SAMMSON: variants seen among roughly 807,000 people sequenced by gnomAD.
The protein encoded by SAMMSON is long intergenic non-protein coding RNA 1212.
intron 6 of SAMMSON, among the ~76,000 whole-genome samples, chr3:70,268,268 C>A (rs555157341): frequency 6.6e-6 from 1 of 152,122 alleles, no homozygotes; most frequent in Non-Finnish European, 1.5e-5. Flanking sequence ...CGCAGAAGTT[C>A]GCGACCAGCC....
chr3:70,126,342 C>T lies in SAMMSON; in HGVS notation n.507+54777C>T. 3.4e-6 allele frequency: 4 copies of T among 1,186,822 alleles called. No homozygotes were observed. The Admixed American group carries it at 8.0e-5, about 24-fold the overall frequency. The allele number at this position is 1,186,822 out of a possible 1,614,324, so 73.5% of individuals were successfully genotyped here. On this transcript the variant is annotated intron_variant and non_coding_transcript_variant, in intron 4 of 9. Coordinates refer to ENST00000642114, the Ensembl canonical transcript of SAMMSON. ...TGCAAATTCAAAGACTAAAGTATGA[C>T]CTAAAAGTTTCAGCTGATGGAGTCT...
At chr3:70,111,472 T>C (rs942694326) in intron 4 of SAMMSON, among the ~76,000 whole-genome samples, 1 of 152,136 alleles carries the variant, frequency 6.6e-6, no homozygotes, top group Non-Finnish European at 1.5e-5. Flanking sequence ...CATAAAAAAC[T>C]GTAAAACAGA....
chr3:70,054,270 G>A lies in SAMMSON; in HGVS notation n.418-17206G>A, dbSNP rs988289986. ...ACATTTCAAAACTGACAAGTGAATGGGGAGGGAGGGAAGGCTTTATGTAGT... is the reference window on the plus strand; with the variant it reads ...ACATTTCAAAACTGACAAGTGAATGAGGAGGGAGGGAAGGCTTTATGTAGT... On this transcript the variant is annotated intron_variant and non_coding_transcript_variant, in intron 3 of 9. Coordinates refer to ENST00000642114, the Ensembl canonical transcript of SAMMSON. Among the ~76,000 whole-genome samples the A allele has an allele frequency of 5.3e-5, 8 of 152,178 alleles. No individual in the cohort carries two copies. The East Asian group carries it at 1.4e-3, about 26-fold the overall frequency.
At chr3:70,355,926 T>TA (rs1267099557) in intron 8 of SAMMSON, among the ~76,000 whole-genome samples, 6 of 151,864 alleles carry the variant, frequency 4.0e-5, no homozygotes, top group South Asian at 2.1e-4. Context: ...TCACATATTC[T>TA]AAAAAAAAGC....
rs1414809695 is a variant in SAMMSON, at chr3:70,293,808, C to T, written n.739+2565C>T. Among the ~76,000 whole-genome samples, 4 of 151,680 alleles carry T rather than the reference C, an allele frequency of 2.6e-5. No homozygotes were observed. The East Asian group carries it at 7.7e-4, about 29-fold the overall frequency. ...CTTACTGAAAGGAAAGAAAAAAGAC[C>T]TTAGGAACCTGGTTATATTTATTAA... On this transcript the variant is annotated intron_variant and non_coding_transcript_variant, in intron 7 of 9. Transcript: ENST00000642114.
intron 7 of SAMMSON, among the ~76,000 whole-genome samples, chr3:70,351,963 G>A (rs1702797880): frequency 6.6e-6 from 1 of 151,940 alleles, no homozygotes; most frequent in African/African-American, 2.4e-5. Context: ...AAAAAAAAGA[G>A]ACTTTTAAAA....
chr3:70,352,276 A>C (rs1702799894), intron 7 of SAMMSON, among the ~76,000 whole-genome samples: 1 of 152,064 alleles, frequency 6.6e-6, no homozygotes, highest in Non-Finnish European at 1.5e-5. Context: ...GAGAAATGAC[A>C]CCTTACTTTA....
intron 4 of SAMMSON, among the ~76,000 whole-genome samples, chr3:70,242,132 G>A (rs1364247656): frequency 6.6e-6 from 1 of 152,202 alleles, no homozygotes; most frequent in African/African-American, 2.4e-5. Context: ...GGATGAAAAG[G>A]AGTCTTGGAG....
intron 1 of SAMMSON, among the ~76,000 whole-genome samples, chr3:70,006,607 A>C (rs2066927513): frequency 6.6e-6 from 1 of 152,172 alleles, no homozygotes; most frequent in African/African-American, 2.4e-5. Context: ...TATCAGGAGC[A>C]ATGCTCCTTG....
chr3:70,382,243 A>G (rs2106752422), intron 9 of SAMMSON, among the ~76,000 whole-genome samples: 1 of 152,262 alleles, frequency 6.6e-6, no homozygotes, highest in Middle Eastern at 3.4e-3. Flanking sequence ...TTTGATTTGA[A>G]TACATATATT....
At chr3:70,104,741 C>G (rs1405212400) in intron 4 of SAMMSON, among the ~76,000 whole-genome samples, 1 of 152,084 alleles carries the variant, frequency 6.6e-6, no homozygotes, top group Non-Finnish European at 1.5e-5. Flanking sequence ...TCCATATAAA[C>G]TGGGTGTCAA....
At chr3:70,371,098 A>G (rs1702964355) in intron 9 of SAMMSON, among the ~76,000 whole-genome samples, 1 of 152,044 alleles carries the variant, frequency 6.6e-6, no homozygotes, top group Admixed American at 6.6e-5. Flanking sequence ...AGTCCTTGTC[A>G]GCTTTTTTGA....
At chr3:70,322,521 A>G (rs1702545201) in intron 7 of SAMMSON, among the ~76,000 whole-genome samples, 1 of 152,152 alleles carries the variant, frequency 6.6e-6, no homozygotes, top group South Asian at 2.1e-4. Context: ...CGCGAAAAGT[A>G]CATTTTTTTG....
At chr3:70,092,621 C>T (rs2067308848) in intron 4 of SAMMSON, among the ~76,000 whole-genome samples, 1 of 152,054 alleles carries the variant, frequency 6.6e-6, no homozygotes. Context: ...TCTTTGTTCC[C>T]AAGCTGGGGC....
intron 6 of SAMMSON, among the ~76,000 whole-genome samples, chr3:70,282,136 C>A (rs529664960): frequency 6.6e-6 from 1 of 152,144 alleles, no homozygotes; most frequent in East Asian, 1.9e-4. Flanking sequence ...GGTCAGGGAA[C>A]CAAAATCTGT....
chr3:70,115,275 C>G (rs1329772066), intron 4 of SAMMSON, among the ~76,000 whole-genome samples: 2 of 150,320 alleles, frequency 1.3e-5, no homozygotes, highest in Admixed American at 6.6e-5. Flanking sequence ...TTAAAGCTTT[C>G]TAGTAATTGG....
intron 2 of SAMMSON, among the ~76,000 whole-genome samples, chr3:70,400,640 G>C (rs1351139356): frequency 3.9e-5 from 6 of 152,176 alleles, no homozygotes; most frequent in Non-Finnish European, 7.3e-5. Context: ...AAGAATTAGA[G>C]GTGGTTGTTG....
At chr3:70,306,257 C>A (rs1702399144) in intron 7 of SAMMSON, among the ~76,000 whole-genome samples, 1 of 152,122 alleles carries the variant, frequency 6.6e-6, no homozygotes, top group Non-Finnish European at 1.5e-5. Context: ...GCACTCGCCA[C>A]CACACGTGGC....
intron 3 of SAMMSON, among the ~76,000 whole-genome samples, chr3:70,042,314 A>C (rs1200718278): frequency 6.6e-6 from 1 of 152,088 alleles, no homozygotes; most frequent in African/African-American, 2.4e-5. Flanking sequence ...GGTCTGTTTG[A>C]ATAACAGCTT....
Sources: gnomAD v4.1 joint callset for allele counts (sites outside exome capture counted in the v4.1 genomes callset) on GRCh38, gnomAD v4.1.1 for gene constraint, MANE v1.5 for transcripts, NCBI Gene and HGNC (gene_info 2026-07-23, HGNC 2026-07-21) for gene names.